Variants in LITAF observed in about 807,000 individuals in gnomAD.
LITAF encodes lipopolysaccharide-induced tumor necrosis factor-alpha factor.
LITAF carries 9 observed loss-of-function variants against 14.5 expected under a neutral mutation model. The observed-to-expected ratio is 0.62, with a 90% confidence interval of 0.37 to 1.08. The LOEUF is 1.08. Ranked by LOEUF, LITAF falls within the 50% of genes least tolerant of loss-of-function variation. The probability of loss-of-function intolerance (pLI) is 0.01; values close to 1 mark genes in which losing one functional copy is unlikely to be tolerated. For synonymous variants in LITAF, 98 were observed against 88.2 expected, an observed-to-expected ratio of 1.11 and a Z score of -0.62; for missense variants, 206 against 213.4, an observed-to-expected ratio of 0.97 and a Z score of 0.22.
Position 11,558,385 on chromosome 16 carries a change from C to T in LITAF, c.-5-1650G>A, listed in dbSNP as rs962989907. Reference sequence around the variant, plus strand: ...AGGATCTCAAGACTAACCTGGGCAACATGGTGAGACCCCCATCTCTAAAAC... The same window carrying T: ...AGGATCTCAAGACTAACCTGGGCAATATGGTGAGACCCCCATCTCTAAAAC... On this transcript the variant is annotated intron_variant, in intron 1 of 3. Transcript: ENST00000622633. The surrounding 1 kb of genome is among the most constrained non-coding windows in gnomAD (Gnocchi z 4.1). Among the ~76,000 whole-genome samples, 11 of 152,004 alleles carry T rather than the reference C, an allele frequency of 7.2e-5. No homozygotes were observed. In the East Asian group the frequency reaches 2.1e-3, roughly 29 times the overall value.
intron 3 of LITAF, among the ~76,000 whole-genome samples, chr16:11,611,956 C>T (rs1166239068): frequency 2.0e-5 from 3 of 152,324 alleles, no homozygotes; most frequent in East Asian, 1.9e-4. Flanking sequence ...TGAGCCGCTG[C>T]GCCTGGCCCT....
chr16:11,580,295 T>C (rs535376379), intron 1 of LITAF, among the ~76,000 whole-genome samples: 1 of 152,056 alleles, frequency 6.6e-6, no homozygotes, highest in South Asian at 2.1e-4. Flanking sequence ...TCTCATTCTG[T>C]GGCCCAGGCT....
At position 11,634,635 on chromosome 16, in the gene LITAF, A is replaced by C. The variant is rs1054398276; in HGVS notation, c.-20-998T>G. ...CATGAGGACCATTTTCCATAACCCTATGATTGCATCCCCAACCAGTCAGCA... is the reference window on the plus strand; with the variant it reads ...CATGAGGACCATTTTCCATAACCCTCTGATTGCATCCCCAACCAGTCAGCA... On this transcript the variant is annotated intron_variant, in intron 2 of 3. Coordinates refer to the LITAF transcript ENST00000574848. The surrounding 1 kb of genome is among the most constrained non-coding windows in gnomAD (Gnocchi z 4.1). 1.3e-5 allele frequency among the ~76,000 whole-genome samples: 2 copies of C among 152,174 alleles called. No individual in the cohort carries two copies. The highest frequency in any genetic ancestry group is 2.9e-5 in the Non-Finnish European group (2 of 68,034).
At chr16:11,590,960 T>C (rs750263538), upstream of LITAF, among the ~76,000 whole-genome samples, 3 of 116,982 alleles carry the variant, frequency 2.6e-5, 1 homozygote, top group Non-Finnish European at 5.1e-5. Context: ...CTCGAACTCC[T>C]GGACTCAAGT....
chr16:11,587,170 G>T, upstream of LITAF: 1 of 321,286 alleles, frequency 3.1e-6, no homozygotes, highest in Non-Finnish European at 6.2e-6. Flanking sequence ...GCCTGGCGCG[G>T]ACCTGGTGTC....
chr16:11,621,378 T>A (rs2065050230), intron 3 of LITAF, among the ~76,000 whole-genome samples: 1 of 152,110 alleles, frequency 6.6e-6, no homozygotes, highest in South Asian at 2.1e-4. Flanking sequence ...CCAATTTTTA[T>A]ATGTTTTGCA....
upstream of LITAF, among the ~76,000 whole-genome samples, chr16:11,639,730 CA>C: frequency 6.6e-6 from 1 of 152,242 alleles, no homozygotes; most frequent in East Asian, 1.9e-4. Flanking sequence ...TGCAGTGGCT[CA>C]TGCCTGTAAT....
At chr16:11,570,131 G>A (rs929519796) in intron 1 of LITAF, among the ~76,000 whole-genome samples, 1 of 151,958 alleles carries the variant, frequency 6.6e-6, no homozygotes, top group African/African-American at 2.4e-5. Context: ...TCCCAACTCT[G>A]CCACTTCTAC....
At chr16:11,609,112 G>A (rs545531144) in intron 3 of LITAF, among the ~76,000 whole-genome samples, 38 of 152,220 alleles carry the variant, frequency 2.5e-4, no homozygotes, top group Non-Finnish European at 4.3e-4. Flanking sequence ...ATGGCTAAAG[G>A]GGATGAGGTT....
rs749800119 is a variant in LITAF at position 11,548,163 on chromosome 16, G to C, written c.*1474C>G. On this transcript the variant is annotated 3_prime_UTR_variant, in exon 4 of 4. Coordinates refer to ENST00000622633, the MANE Select transcript of LITAF (RefSeq NM_001136472.2). ...GTTTTCAACCAATATACAGATGTTC[G>C]CTCAAGGTCTAGGTTTTATTTCTAC... The C allele has an allele frequency of 1.5e-5, 7 of 454,062 alleles. No individual in the cohort carries two copies. The highest frequency in any genetic ancestry group is 2.6e-5 in the Non-Finnish European group (6 of 226,772). 28.1% of individuals were successfully genotyped at this position (454,062 alleles called of 1,614,324 possible).
chr16:11,626,620 G>A (rs2065085544), intron 3 of LITAF, among the ~76,000 whole-genome samples: 1 of 152,140 alleles, frequency 6.6e-6, no homozygotes, highest in East Asian at 1.9e-4. Flanking sequence ...TTACAGGCGT[G>A]AGCCACCGCG....
At chr16:11,603,404 C>T (rs892148230), upstream of LITAF, among the ~76,000 whole-genome samples, 2 of 152,198 alleles carry the variant, frequency 1.3e-5, no homozygotes, top group Non-Finnish European at 2.9e-5. Context: ...GCTCTGCCTC[C>T]CGAGGGGTTT....
At chr16:11,600,206 G>T (rs11643990), upstream of LITAF, among the ~76,000 whole-genome samples, 1 of 151,994 alleles carries the variant, frequency 6.6e-6, no homozygotes, top group Admixed American at 6.5e-5. This position sits in a 1 kb window ranked among gnomAD's most constrained non-coding sequence, Gnocchi z 4.1. Context: ...ATCTCTCTGT[G>T]TTGCCCAGGC....
At chr16:11,564,332 C>T (rs935750737) in intron 1 of LITAF, among the ~76,000 whole-genome samples, 2 of 152,080 alleles carry the variant, frequency 1.3e-5, no homozygotes, top group Non-Finnish European at 2.9e-5. Flanking sequence ...ATCCTCGGGA[C>T]GTGGAAATAA....
At chr16:11,589,510 T>C (rs1424561750), upstream of LITAF, among the ~76,000 whole-genome samples, 1 of 152,130 alleles carries the variant, frequency 6.6e-6, no homozygotes, top group Non-Finnish European at 1.5e-5. Flanking sequence ...TCACAGGTGA[T>C]ATGATCCTAT....
At chr16:11,576,089 A>G (rs1056627739) in intron 1 of LITAF, among the ~76,000 whole-genome samples, 109 of 152,122 alleles carry the variant, frequency 7.2e-4, no homozygotes, top group Non-Finnish European at 1.0e-3. Context: ...GGGTCTCACT[A>G]TGTTGCCCAG....
upstream of LITAF, among the ~76,000 whole-genome samples, chr16:11,638,887 A>ATTTT (rs141585454): frequency 2.7e-5 from 4 of 146,858 alleles, no homozygotes; most frequent in African/African-American, 9.9e-5. Flanking sequence ...TAACCTGTGT[A>ATTTT]TTTTTTTTTT....
intron 1 of LITAF, among the ~76,000 whole-genome samples, chr16:11,577,898 A>G (rs1240584233): frequency 2.6e-5 from 4 of 151,458 alleles, no homozygotes; most frequent in Non-Finnish European, 4.4e-5. Context: ...CTAATTTTCT[A>G]TTTTTTGTAG....
Position 11,556,613 on chromosome 16 carries a change from T to G in LITAF, c.118A>C (p.Met40Leu). The part of the protein sequence containing the change: ...NSYYPTPPAP[M>L]PGPTTGLVTG... ...ACAAGCCCCGTAGTTGGCCCAGGCA[T>G]GGGAGCTGGAGGTGTGGGGTAATAA... The change falls in exon 2 of 4, where the codon ATG (methionine) becomes CTG (leucine). Residue 40 changes from methionine to leucine, a missense_variant. Met to Leu is a conservative substitution (Grantham distance 15). Transcript: ENST00000622633. 1 of 1,614,208 alleles carries G rather than the reference T, an allele frequency of 6.2e-7. No homozygotes were observed. The highest frequency in any genetic ancestry group is 8.5e-7 in the Non-Finnish European group (1 of 1,180,044).
Sources: allele counts gnomAD v4.1 joint callset (sites outside exome capture counted in the v4.1 genomes callset), GRCh38; gene constraint gnomAD v4.1.1; non-coding constraint Gnocchi (gnomAD v3.1); transcripts MANE v1.5; gene names NCBI Gene and HGNC (gene_info 2026-07-23, HGNC 2026-07-21).